The following INPP4B variants were observed in gnomAD, a reference collection of about 807,000 sequenced individuals.
INPP4B encodes the protein inositol polyphosphate 4-phosphatase type II.
A neutral mutation model predicts 122.5 loss-of-function variants in INPP4B; 55 were observed. The ratio of observed to expected loss-of-function variants is 0.45; its 90% CI spans 0.36 to 0.56. INPP4B has a LOEUF of 0.56. Among genes scored for constraint, INPP4B ranks in the 20% least tolerant of loss-of-function variants. The pLI, the probability that INPP4B is intolerant of heterozygous loss-of-function variation, is 0.00. For synonymous variants in INPP4B, 403 were observed against 388.7 expected (o/e 1.04, Z -0.43); for missense variants, 1,000 against 1,097.7 (o/e 0.91, Z 1.26).
At chr4:142,746,402 G>A (rs550789340) in intron 1 of INPP4B, among the ~76,000 whole-genome samples, 62 of 152,180 alleles carry the variant, frequency 4.1e-4, no homozygotes, top group African/African-American at 1.4e-3. Context: ...AACATTCCAT[G>A]CTCATGGATG....
At chr4:142,702,718 A>G (rs1761962064) in intron 2 of INPP4B, among the ~76,000 whole-genome samples, 1 of 138,510 alleles carries the variant, frequency 7.2e-6, no homozygotes, top group Admixed American at 7.4e-5. Flanking sequence ...CAACAAAATT[A>G]AAACTCCGTC....
At position 142,276,896 on chromosome 4, in the gene INPP4B, G is replaced by A. The variant is rs546680838; in HGVS notation, c.504-6122C>T. Among the ~76,000 whole-genome samples the A allele has an allele frequency of 9.2e-4, 139 of 151,814 alleles. 3 individuals carry two copies. Among genetic ancestry groups the A allele is most frequent in the Non-Finnish European group, 3.7e-4 (25 of 67,892 alleles). On this transcript the variant is annotated intron_variant, in intron 9 of 25. Coordinates refer to ENST00000262992, the MANE Select transcript of INPP4B (RefSeq NM_001101669.3). ...ATTTGGAAACATTTCAATGCTAAAT[G>A]TAAAATATAAACCAGCTCTAGCTCC... is the stretch of plus-strand genomic sequence containing the variant.
At chr4:142,590,884 A>G (rs951847128) in intron 2 of INPP4B, among the ~76,000 whole-genome samples, 29 of 138,806 alleles carry the variant, frequency 2.1e-4, no homozygotes, top group Non-Finnish European at 4.0e-4. Flanking sequence ...CATTCTCCAA[A>G]AAAAAAAAAA....
intron 2 of INPP4B, among the ~76,000 whole-genome samples, chr4:142,710,079 C>T (rs1762926976): frequency 6.6e-6 from 1 of 152,210 alleles, no homozygotes; most frequent in African/African-American, 2.4e-5. Context: ...GGGATGAAAG[C>T]TCTCCAGCAT....
chr4:142,075,506 G>T (rs1770150364), intron 25 of INPP4B, among the ~76,000 whole-genome samples: 1 of 151,984 alleles, frequency 6.6e-6, no homozygotes, highest in Non-Finnish European at 1.5e-5. Context: ...CACTGTCACT[G>T]AGAGACAATT....
chr4:142,345,642 C>A (rs1372804020), intron 7 of INPP4B, among the ~76,000 whole-genome samples: 1 of 152,008 alleles, frequency 6.6e-6, no homozygotes, highest in African/African-American at 2.4e-5. Flanking sequence ...CCGAGCAGAG[C>A]TAGATCATCA....
intron 2 of INPP4B, among the ~76,000 whole-genome samples, chr4:142,595,349 A>C (rs1039223284): frequency 1.3e-5 from 2 of 152,070 alleles, no homozygotes; most frequent in African/African-American, 4.8e-5. Context: ...GCTACCAATT[A>C]ATATATTAAT....
chr4:142,439,942 T>G (rs1811329665), intron 3 of INPP4B, among the ~76,000 whole-genome samples: 1 of 152,232 alleles, frequency 6.6e-6, no homozygotes, highest in South Asian at 2.1e-4. Flanking sequence ...CATGCTCTCC[T>G]AAGTTCCCCT....
intron 2 of INPP4B, chr4:142,518,830 C>G (rs748346726): frequency 1.3e-5 from 2 of 152,188 alleles, no homozygotes; most frequent in Non-Finnish European, 2.9e-5. Context: ...GACCTTCTTG[C>G]TCCGGTCAAG....
At chr4:142,397,537 T>C (rs898765466) in intron 7 of INPP4B, among the ~76,000 whole-genome samples, 1 of 152,110 alleles carries the variant, frequency 6.6e-6, no homozygotes, top group African/African-American at 2.4e-5. Context: ...GATCAACTTG[T>C]AAGCTTCAAA....
chr4:142,428,766 G>C (rs1808654293), intron 5 of INPP4B, among the ~76,000 whole-genome samples: 1 of 151,976 alleles, frequency 6.6e-6, no homozygotes, highest in African/African-American at 2.4e-5. Flanking sequence ...TTGAATACGA[G>C]AGAAATGGGC....
intron 7 of INPP4B, among the ~76,000 whole-genome samples, chr4:142,362,181 A>G (rs1171000504): frequency 6.6e-6 from 1 of 152,016 alleles, no homozygotes; most frequent in Non-Finnish European, 1.5e-5. Flanking sequence ...GTGGGAGCCA[A>G]CTCAGCTCAG....
intron 7 of INPP4B, among the ~76,000 whole-genome samples, chr4:142,388,309 T>C (rs944538046): frequency 3.3e-5 from 5 of 152,158 alleles, no homozygotes; most frequent in Non-Finnish European, 5.9e-5. Context: ...TAATTAGAAG[T>C]GGCTATCCAA....
intron 7 of INPP4B, among the ~76,000 whole-genome samples, chr4:142,383,234 T>G (rs1228242162): frequency 6.6e-6 from 1 of 152,164 alleles, no homozygotes; most frequent in Non-Finnish European, 1.5e-5. Flanking sequence ...GAAATTTACT[T>G]ATAGCTGTTA....
chr4:142,545,747 A>ATATATATGTGTGTGTATATGTGTG (rs1560782108), intron 2 of INPP4B, among the ~76,000 whole-genome samples: 6 of 82,020 alleles, frequency 7.3e-5, no homozygotes, highest in African/African-American at 1.8e-4. Context: ...ATATGTGTAT[A>ATATATATGTGTGTGTATATGTGTG]TATATACACA....
chr4:142,273,993 G>A (rs550811264), intron 9 of INPP4B, among the ~76,000 whole-genome samples: 1 of 151,866 alleles, frequency 6.6e-6, no homozygotes, highest in South Asian at 2.1e-4. Context: ...CACACTTCTT[G>A]TCAATTAGGA....
chr4:142,440,436 G>A (rs1219728951), intron 3 of INPP4B, among the ~76,000 whole-genome samples: 1 of 152,134 alleles, frequency 6.6e-6, no homozygotes, highest in African/African-American at 2.4e-5. Flanking sequence ...GAAAGATGTG[G>A]GAAAATAAGA....
intron 15 of INPP4B, among the ~76,000 whole-genome samples, chr4:142,179,574 A>C (rs1829902111): frequency 1.7e-4 from 1 of 5,866 alleles, no homozygotes; most frequent in African/African-American, 5.2e-4. Context: ...AAAAAAAAAC[A>C]TTCATTTTTG....
intron 23 of INPP4B, among the ~76,000 whole-genome samples, chr4:142,089,309 G>A (rs1778317690): frequency 6.6e-6 from 1 of 152,090 alleles, no homozygotes; most frequent in Non-Finnish European, 1.5e-5. Flanking sequence ...TACAGAATAA[G>A]AAGTTTCCTT....
Sources: gnomAD v4.1 joint callset for allele counts (sites outside exome capture counted in the v4.1 genomes callset) on GRCh38, gnomAD v4.1.1 for gene constraint, MANE v1.5 for transcripts, NCBI Gene and HGNC (gene_info 2026-07-23, HGNC 2026-07-21) for gene names.